ITGB3: variants seen among roughly 807,000 people sequenced by gnomAD.
The protein encoded by ITGB3 is integrin beta-3.
ITGB3 carries 48 observed loss-of-function variants against 85.8 expected under a neutral mutation model. The observed-to-expected ratio is 0.56, with a 90% CI of 0.44 to 0.71. ITGB3 has a LOEUF of 0.71. Ranked by LOEUF, ITGB3 falls within the 30% of genes least tolerant of loss-of-function variation. The pLI, the probability that ITGB3 is intolerant of heterozygous loss-of-function variation, is 0.00. For missense variants in ITGB3, 861 were observed against 1,019.1 expected (o/e 0.84, Z 2.11); for synonymous variants, 363 against 395.6 (o/e 0.92, Z 0.98).
rs72547408 is a variant in ITGB3 at position 47,283,491 on chromosome 17, A to G, written c.303A>G (p.Gly101=). 38 of 1,614,198 alleles carry G rather than the reference A, an allele frequency of 2.4e-5. No individual in the cohort carries two copies. In the African/African-American group the frequency reaches 4.5e-4, roughly 19 times the overall value. ...GGCCCCTCAGCGACAAGGGCTCTGG[A>G]GACAGCTCCCAGGTCACTCAAGTCA... The part of the protein sequence containing the change: ...EDRPLSDKGS[G]DSSQVTQVSP... Residue 101 remains glycine (G), a synonymous_variant, in exon 3 of 15, where the codon GGA becomes GGG. Transcript: ENST00000559488.
chr17:47,292,039 G>T, intron 9 of ITGB3, 100 bp from the exon 10 acceptor site: 1 of 1,225,716 alleles, frequency 8.2e-7, no homozygotes, highest in Non-Finnish European at 1.2e-6. Flanking sequence ...CCCAATTTGG[G>T]TATTCCTTGG....
rs2065103274 is a variant in ITGB3, at chr17:47,286,461, A to G, written c.777+39A>G. 1.1e-5 allele frequency: 17 copies of G among 1,612,398 alleles called. No individual in the cohort carries two copies. The East Asian group carries it at 3.8e-4, about 36-fold the overall frequency. The stretch of plus-strand genomic sequence containing the variant: ...ACTTGGAGTGCCAGGTGTGGCTGGC[A>G]TAGATCAAAATGGGAAAGGAAGTGA... On this transcript the variant is annotated intron_variant, in intron 5 of 14. Transcript: ENST00000559488.
At chr17:47,296,589 C>T (rs1230602406) in intron 10 of ITGB3, among the ~76,000 whole-genome samples, 1 of 152,138 alleles carries the variant, frequency 6.6e-6, no homozygotes, top group Admixed American at 6.5e-5. Context: ...TACTTTAAAA[C>T]GGTGGTTCTC....
chr17:47,303,356 G>C (rs1013382814), intron 13 of ITGB3: 3 of 155,918 alleles, frequency 1.9e-5, no homozygotes, highest in African/African-American at 7.2e-5. Context: ...AAAGTGACTT[G>C]TTAATTGAGG....
chr17:47,257,674 T>C (rs2064995187), intron 1 of ITGB3, among the ~76,000 whole-genome samples: 1 of 152,232 alleles, frequency 6.6e-6, no homozygotes, highest in Admixed American at 6.5e-5. Flanking sequence ...ATAGCCAAGA[T>C]CATGAATTCT....
Position 47,292,223 on chromosome 17 carries a change from G to A in ITGB3, c.1345G>A (p.Asp449Asn). Residue 449 changes from aspartate to asparagine, a missense_variant, in exon 10 of 15, where the codon GAC becomes AAC. Physicochemically the swap from Asp to Asn is conservative, Grantham distance 23. Coordinates refer to ENST00000559488, the MANE Select transcript of ITGB3 (RefSeq NM_000212.3). ...SFTIKPVGFK[D>N]SLIVQVTFDC... ...TACCATAAAGCCCGTGGGCTTCAAG[G>A]ACAGCCTGATCGTCCAGGTCACCTT... 6.2e-7 allele frequency: 1 copy of A among 1,614,226 alleles called. No homozygotes were observed. Among genetic ancestry groups the A allele is most frequent in the Non-Finnish European group, 8.5e-7 (1 of 1,180,038 alleles).
At chr17:47,278,106 C>T (rs955146773) in intron 2 of ITGB3, among the ~76,000 whole-genome samples, 1 of 152,186 alleles carries the variant, frequency 6.6e-6, no homozygotes, top group Admixed American at 6.5e-5. Context: ...CTCCTCCTTT[C>T]TGCCCTCTTC....
In ITGB3 at chr17:47,312,540, CTT is replaced by C. The variant is rs2143164916; in HGVS notation, c.*2337_*2338del. 6.6e-6 allele frequency among the ~76,000 whole-genome samples: 1 copy of C among 152,306 alleles called. No homozygotes were observed. The highest frequency in any genetic ancestry group is 2.1e-4 in the South Asian group (1 of 4,826). On this transcript the variant is annotated 3_prime_UTR_variant, in exon 15 of 15. Coordinates refer to ENST00000559488, the MANE Select transcript of ITGB3 (RefSeq NM_000212.3). ...GGTGGCTCACGCCTGTGATTATAAT[CTT>C]CAGTTACTAAGACAGAGTCCATGAG...
At position 47,310,084 on chromosome 17, in the gene ITGB3, G is replaced by C. The variant is rs562095728; in HGVS notation, c.2302-55G>C. On this transcript the variant is annotated intron_variant, in intron 14 of 14. Transcript: ENST00000559488. ...TCTGAGATGAATTTTAAACATTCAG[G>C]GTAGGGAAGGACTTAAGGAAGTCAC... 4.4e-5 allele frequency: 64 copies of C among 1,466,518 alleles called. 3 individuals are homozygous for C. The South Asian group carries it at 7.3e-4, about 17-fold the overall frequency. 90.8% of individuals were successfully genotyped at this position (1,466,518 alleles called of 1,614,324 possible). A position where few individuals can be genotyped will look rare whatever the true frequency, so the allele number is the denominator to read the frequency against.
intron 10 of ITGB3, among the ~76,000 whole-genome samples, chr17:47,298,709 C>G (rs2065154959): frequency 6.6e-6 from 1 of 152,158 alleles, no homozygotes; most frequent in African/African-American, 2.4e-5. Flanking sequence ...AAACTGGACC[C>G]TATGTTGTTG....
At chr17:47,277,005 C>T (rs114334800) in intron 2 of ITGB3, among the ~76,000 whole-genome samples, 1,599 of 152,132 alleles carry the variant, frequency 0.011, 31 homozygotes, top group African/African-American at 0.035. Context: ...CCTAGAGGAC[C>T]GGAGCTCTTG....
chr17:47,304,155 A>T (rs889675839), intron 13 of ITGB3, among the ~76,000 whole-genome samples: 5 of 151,998 alleles, frequency 3.3e-5, no homozygotes, highest in African/African-American at 1.2e-4. Context: ...GCCCCCCGCA[A>T]AGTGTTGGGA....
intron 1 of ITGB3, among the ~76,000 whole-genome samples, chr17:47,270,193 A>C (rs2065039554): frequency 6.6e-6 from 1 of 152,200 alleles, no homozygotes; most frequent in Admixed American, 6.5e-5. Flanking sequence ...GGGTGGAGAC[A>C]CAGCCAAACC....
chr17:47,287,256 G>T (rs2065106305), intron 6 of ITGB3, 25 bp downstream of exon 6: 2 of 1,612,916 alleles, frequency 1.2e-6, no homozygotes, highest in Non-Finnish European at 1.7e-6. Flanking sequence ...ACCACCTATG[G>T]TTTCTATTCA....
chr17:47,258,608 T>C (rs1291432611), intron 1 of ITGB3, among the ~76,000 whole-genome samples: 31 of 152,090 alleles, frequency 2.0e-4, no homozygotes, highest in Admixed American at 2.0e-3. Context: ...GCTCTTTTTT[T>C]CCCTTCTTTT....
rs1295586335 is a variant in ITGB3 at position 47,312,733 on chromosome 17, G to A, written c.*2529G>A. On this transcript the variant is annotated 3_prime_UTR_variant, in exon 15 of 15. Coordinates refer to ENST00000559488, the MANE Select transcript of ITGB3 (RefSeq NM_000212.3). ...ACCAATATTATTTGTCAATATGTGG[G>A]GATAACCTGTAGCTGCATTCATGAG... Among the ~76,000 whole-genome samples, 1 of 152,142 alleles carries A rather than the reference G, an allele frequency of 6.6e-6. No individual in the cohort carries two copies. The highest frequency in any genetic ancestry group is 2.4e-5 in the African/African-American group (1 of 41,426).
In ITGB3 at chr17:47,300,344, C is replaced by CGT. The variant is rs879063347; in HGVS notation, c.1914-133_1914-132insTG. On this transcript the variant is annotated intron_variant, in intron 11 of 14. Transcript: ENST00000559488. ...CAGGATTGTCTTACAGGCGCGCGCG[C>CGT]GCGTGTGTGTGTGTGTGTGTGTGTT... The CGT allele has an allele frequency of 0.042, 28,471 of 684,666 alleles. 259 individuals carry two copies. The highest frequency in any genetic ancestry group is 0.057 in the Non-Finnish European group (21,676 of 383,418). 42.4% of individuals were successfully genotyped at this position (684,666 alleles called of 1,614,324 possible).
At chr17:47,287,833 C>G (rs1771647460) in intron 6 of ITGB3, among the ~76,000 whole-genome samples, 1 of 150,972 alleles carries the variant, frequency 6.6e-6, no homozygotes, top group African/African-American at 2.4e-5. Flanking sequence ...TCTCTTGAGC[C>G]CAGTAGTCTG....
At chr17:47,277,293 A>G (rs1247720484) in intron 2 of ITGB3, among the ~76,000 whole-genome samples, 1 of 152,216 alleles carries the variant, frequency 6.6e-6, no homozygotes, top group African/African-American at 2.4e-5. Context: ...TTAAAAATAA[A>G]GCTTCCCGGG....
Sources: allele counts gnomAD v4.1 joint callset (sites outside exome capture counted in the v4.1 genomes callset), GRCh38; gene constraint gnomAD v4.1.1; transcripts MANE v1.5; gene names NCBI Gene and HGNC (gene_info 2026-07-23, HGNC 2026-07-21).